The following TSC2 variants were observed in gnomAD, a reference collection of about 807,000 sequenced individuals.
TSC2 encodes tuberin.
In TSC2, 29 loss-of-function variants were observed where a neutral mutation model predicts 202.2. The ratio of observed to expected loss-of-function variants is 0.14; its 90% confidence interval spans 0.11 to 0.20. TSC2 has a LOEUF of 0.20. TSC2 is among the 10% of genes least tolerant of loss of function. The probability of loss-of-function intolerance (pLI) is 1.00; values close to 1 mark genes in which losing one functional copy is unlikely to be tolerated. For synonymous variants in TSC2, 1,349 were observed against 1,044.0 expected, an observed-to-expected ratio of 1.29 and a Z score of -5.63; for missense variants, 2,429 against 2,420.0, an observed-to-expected ratio of 1.00 and a Z score of -0.08.
At chr16:2,070,995 CAGGGA>C (rs1036209276) in intron 17 of TSC2, among the ~76,000 whole-genome samples, 3 of 151,702 alleles carry the variant, frequency 2.0e-5, no homozygotes, top group African/African-American at 4.9e-5. Flanking sequence ...GAGGGCAGGG[CAGGGA>C]TGGGCAGAAC....
intron 30 of TSC2, 99 bp from the exon 31 acceptor site, chr16:2,081,495 TG>T: frequency 1.4e-6 from 2 of 1,481,246 alleles, no homozygotes; most frequent in Non-Finnish European, 1.9e-6. Flanking sequence ...GGAGGGAGCA[TG>T]AGGGCAAAAC....
intron 13 of TSC2, 87 bp downstream of exon 13, chr16:2,062,687 C>T: frequency 7.2e-7 from 1 of 1,383,156 alleles, no homozygotes; most frequent in Non-Finnish European, 1.0e-6. Context: ...CTCAGGATGC[C>T]CGATGAGCAG....
intron 16 of TSC2, among the ~76,000 whole-genome samples, chr16:2,066,651 CTTTTTTTT>C (rs34619573): frequency 4.1e-5 from 4 of 98,458 alleles, no homozygotes; most frequent in South Asian, 7.2e-4. Flanking sequence ...TCTGATTTAT[CTTTTTTTT>C]TTTTTTTTTT....
chr16:2,061,669 C>T lies in TSC2; in HGVS notation c.1120-202C>T, dbSNP rs942903232. On this transcript the variant is annotated intron_variant, in intron 11 of 41. Coordinates refer to ENST00000219476, the MANE Select transcript of TSC2 (RefSeq NM_000548.5). ...TCCTGGGCCACGTGGGTCAGGGTGG[C>T]CCCTGGAGAGGATCTGGGGGTGTCT... The T allele has an allele frequency of 1.0e-5, 8 of 801,458 alleles. No individual in the cohort carries two copies. The Admixed American group carries it at 1.3e-4, about 13-fold the overall frequency. 49.6% of individuals were successfully genotyped at this position (801,458 alleles called of 1,614,324 possible). A position where few individuals can be genotyped will look rare whatever the true frequency, so the allele number is the denominator to read the frequency against.
intron 13 of TSC2, 56 bp from the exon 14 acceptor site, chr16:2,062,916 G>C: frequency 6.5e-7 from 1 of 1,533,648 alleles, no homozygotes; most frequent in Non-Finnish European, 8.8e-7. Context: ...AGACGGGCTG[G>C]TGTGGGGCTG....
At chr16:2,088,401 T>A (rs1283647444) in intron 41 of TSC2, 45 bp from the exon 42 acceptor site, 1 of 1,612,450 alleles carries the variant, frequency 6.2e-7, no homozygotes, top group Non-Finnish European at 8.5e-7. Context: ...GCAGAGCGGT[T>A]GCCACGCCTC....
chr16:2,056,219 G>A lies in TSC2; in HGVS notation c.623G>A (p.Arg208Gln), dbSNP rs368386966. 7.4e-6 allele frequency: 12 copies of A among 1,613,886 alleles called. 1 individual carries two copies. The highest frequency in any genetic ancestry group is 3.3e-5 in the South Asian group (3 of 91,090). Residue 208 changes from arginine (R) to glutamine (Q), a missense_variant, in exon 7 of 42, where the codon CGG becomes CAG. Physicochemically the swap from Arg to Gln is conservative, Grantham distance 43 (BLOSUM62 1). Transcript: ENST00000219476. ...AGGATGATCTGTCTGCTGTGCGTCC[G>A]GACCGCGTCCTCTGTGGACATAGAG... ...MVQMICLLCV[R>Q]TASSVDIEVS... is the part of the protein sequence containing the mutation.
chr16:2,057,780 T>C (rs1481963212), intron 9 of TSC2, among the ~76,000 whole-genome samples: 2 of 149,614 alleles, frequency 1.3e-5, no homozygotes, highest in Non-Finnish European at 3.0e-5. Context: ...GCCTCAGCCC[T>C]GCATCTCTCC....
intron 25 of TSC2, 131 bp from the exon 26 acceptor site, chr16:2,077,467 C>T: frequency 7.2e-7 from 1 of 1,393,702 alleles, no homozygotes; most frequent in Admixed American, 1.9e-5. Context: ...TTTTGCTCAT[C>T]TCACCCGCGG....
intron 14 of TSC2, 70 bp from the exon 15 acceptor site, chr16:2,064,202 G>A: frequency 1.2e-6 from 2 of 1,611,794 alleles, no homozygotes; most frequent in South Asian, 1.1e-5. Flanking sequence ...GGTTCCTGAG[G>A]AATTGGAAGT....
intron 25 of TSC2, 91 bp downstream of exon 25, chr16:2,076,676 G>A (rs1369244559): frequency 7.7e-7 from 1 of 1,303,902 alleles, no homozygotes; most frequent in Non-Finnish European, 1.1e-6. Context: ...AAGTCAGTGA[G>A]TGGAAATGGG....
At chr16:2,067,517 TC>T (rs2087560460) in intron 16 of TSC2, among the ~76,000 whole-genome samples, 1 of 150,074 alleles carries the variant, frequency 6.7e-6, no homozygotes, top group Non-Finnish European at 1.5e-5. Context: ...ATGCCCGTAA[TC>T]CCAGCACTTT....
In TSC2 at chr16:2,088,669, T is replaced by G. The variant is rs2091234117; in HGVS notation, c.*59T>G. ...CGGTATTGCCTGTCAGTGAAATAAA[T>G]AAAGTCCTGACCCCAGTGCACAGAC... On this transcript the variant is annotated 3_prime_UTR_variant, in exon 42 of 42. Coordinates refer to ENST00000219476, the MANE Select transcript of TSC2 (RefSeq NM_000548.5). 1.5e-5 allele frequency: 23 copies of G among 1,548,372 alleles called. No homozygotes were observed. Among genetic ancestry groups the G allele is most frequent in the South Asian group, 5.8e-5 (5 of 86,208 alleles).
rs1157976261 is a variant in TSC2 at position 2,054,440 on chromosome 16, G to A, written c.481G>A (p.Ala161Thr). 1 of 1,614,062 alleles carries A rather than the reference G, an allele frequency of 6.2e-7. No homozygotes were observed. The highest frequency in any genetic ancestry group is 8.5e-7 in the Non-Finnish European group (1 of 1,180,048). ...RHITYLEEEL[A>T]DFVLQWMDVG... ...CATCACCTACTTGGAGGAAGAGCTG[G>A]GTGGGTGCCACCTTGGGTTGGAGGT... Residue 161 changes from alanine (A) to threonine (T), a missense_variant and splice_region_variant, in exon 5 of 42, where the codon GCT becomes ACT. Transcript: ENST00000219476.
rs745860116 is a variant in TSC2 at position 2,085,241 on chromosome 16, T to C, written c.4581T>C (p.Phe1527=). Residue 1527 remains phenylalanine (F), a synonymous_variant, in exon 36 of 42, where the codon TTT becomes TTC. Coordinates refer to ENST00000219476, the MANE Select transcript of TSC2 (RefSeq NM_000548.5). The part of the protein sequence containing the change: ...PILLPNESQS[F]ERSVQLLDQI... ...TCTGTGTGCCACAGTCACAGTCCTT[T>C]GAGCGGTCGGTGCAGCTCCTCGACC... 3.7e-6 allele frequency: 6 copies of C among 1,612,744 alleles called. No individual in the cohort carries two copies. Among genetic ancestry groups the C allele is most frequent in the Non-Finnish European group, 4.2e-6 (5 of 1,179,946 alleles).
Position 2,079,564 on chromosome 16 carries a change from C to T in TSC2, c.3292C>T (p.Pro1098Ser), listed in dbSNP as rs772686090. The change falls in exon 29 of 42, where the codon CCC becomes TCC. Residue 1098 changes from proline to serine, a missense_variant. By Grantham distance (74) the Pro-to-Ser change is moderately conservative (BLOSUM62 -1). Coordinates refer to ENST00000219476, the MANE Select transcript of TSC2 (RefSeq NM_000548.5). The surrounding 1 kb of genome is among the most constrained non-coding windows in gnomAD (Gnocchi z 4.6). ...GTGGGATTCTCTTCTCAGCTCCAGC[C>T]CCGGGGTGCATGTGAGACAGACCAA... ...LQSGPESSSSPGVHVRQTKEA... is the reference protein window; with the variant it reads ...LQSGPESSSSSGVHVRQTKEA... 2 of 1,610,528 alleles carry T rather than the reference C, an allele frequency of 1.2e-6. No homozygotes were observed. The highest frequency in any genetic ancestry group is 2.2e-5 in the East Asian group (1 of 44,758).
At chr16:2,060,473 G>A (rs186287825) in intron 10 of TSC2, among the ~76,000 whole-genome samples, 197 bp from the exon 11 acceptor site, 37 of 152,334 alleles carry the variant, frequency 2.4e-4, no homozygotes, top group Non-Finnish European at 4.3e-4. Context: ...GGTGGGGCCC[G>A]TCTGGGTCCT....
chr16:2,067,557 G>C (rs1487586186), intron 16 of TSC2, among the ~76,000 whole-genome samples: 1 of 151,808 alleles, frequency 6.6e-6, no homozygotes, highest in Non-Finnish European at 1.5e-5. Context: ...GATCACCTGA[G>C]GTTGGGAGTT....
At chr16:2,048,210 G>C (rs1051738004) in intron 1 of TSC2, 145 bp downstream of exon 1, 2 of 1,510,894 alleles carry the variant, frequency 1.3e-6, no homozygotes, top group African/African-American at 2.8e-5. Flanking sequence ...TTAGTTTTAA[G>C]TCATGGCGGG....
Sources: allele counts gnomAD v4.1 joint callset (sites outside exome capture counted in the v4.1 genomes callset), GRCh38; gene constraint gnomAD v4.1.1; non-coding constraint Gnocchi (gnomAD v3.1); transcripts MANE v1.5; gene names NCBI Gene and HGNC (gene_info 2026-07-23, HGNC 2026-07-21).